ANHX: variants seen among roughly 807,000 people sequenced by gnomAD.
ANHX encodes the protein anomalous homeobox.
A neutral mutation model predicts 38.9 loss-of-function variants in ANHX; 20 were observed. That is an observed-to-expected ratio of 0.51 (90% confidence interval 0.36 to 0.75). The LOEUF (loss-of-function observed/expected upper bound fraction) is 0.75, where lower values mean the gene tolerates loss of function less well. ANHX is among the 30% of genes least tolerant of loss of function. The pLI is 0.00. For missense variants in ANHX, 475 were observed against 493.1 expected, an observed-to-expected ratio of 0.96 and a Z score of 0.35; for synonymous variants, 185 against 203.1, an observed-to-expected ratio of 0.91 and a Z score of 0.76.
At chr12:133,229,643 T>G (rs1957239940) in intron 3 of ANHX, among the ~76,000 whole-genome samples, 1 of 152,088 alleles carries the variant, frequency 6.6e-6, no homozygotes, top group South Asian at 2.1e-4. Flanking sequence ...GCCTGGAACC[T>G]CCTAGAAACT....
chr12:133,219,225 T>G, intron 9 of ANHX, 58 bp downstream of exon 9: 26 of 1,434,342 alleles, frequency 1.8e-5, no homozygotes, highest in Non-Finnish European at 2.3e-5. Context: ...CTCAGCACCA[T>G]GAGCTGCAGA....
At chr12:133,227,256 C>T (rs1397821995) in intron 4 of ANHX, 104 bp from the exon 5 acceptor site, 16 of 1,261,764 alleles carry the variant, frequency 1.3e-5, no homozygotes, top group Non-Finnish European at 1.7e-5. Context: ...AAGGGGGTGA[C>T]AGCCCAGCCT....
intron 7 of ANHX, among the ~76,000 whole-genome samples, chr12:133,224,957 C>T (rs1220089642): frequency 2.2e-4 from 29 of 131,368 alleles, no homozygotes; most frequent in African/African-American, 6.0e-4. Context: ...AGCAAGACTC[C>T]GTCTCAAAAA....
At position 133,218,791 on chromosome 12, in the gene ANHX, G is replaced by T; in HGVS notation, c.*94C>A. Reference sequence around the variant, plus strand: ...GGGGAACTCTGGGGACCTTCATTTTGTATTCAGGATAAAGCTCTGTAACTC... The same window carrying T: ...GGGGAACTCTGGGGACCTTCATTTTTTATTCAGGATAAAGCTCTGTAACTC... On this transcript the variant is annotated 3_prime_UTR_variant, in exon 10 of 10. Transcript: ENST00000545940. The T allele has an allele frequency of 2.2e-6, 2 of 916,048 alleles. No homozygotes were observed. The highest frequency in any genetic ancestry group is 3.0e-6 in the Non-Finnish European group (2 of 668,710). 56.7% of individuals were successfully genotyped at this position (916,048 alleles called of 1,614,324 possible).
chr12:133,223,445 C>CTTTT (rs899014720), intron 7 of ANHX, among the ~76,000 whole-genome samples: 1 of 130,216 alleles, frequency 7.7e-6, no homozygotes, highest in Non-Finnish European at 1.6e-5. Flanking sequence ...AGACTTTATT[C>CTTTT]TTTTTTTTTT....
chr12:133,234,531 G>T, intron 1 of ANHX, 153 bp from the exon 2 acceptor site: 1 of 825,960 alleles, frequency 1.2e-6, no homozygotes, highest in Non-Finnish European at 1.8e-6. Context: ...TCCCGAGAGA[G>T]GGCAGCACCA....
intron 7 of ANHX, among the ~76,000 whole-genome samples, chr12:133,222,759 C>A (rs138623673): frequency 0.016 from 2,440 of 152,234 alleles, 55 homozygotes; most frequent in African/African-American, 0.055. Flanking sequence ...GTCCTGACTT[C>A]AGACAGTGAA....
chr12:133,221,241 G>A lies in ANHX; in HGVS notation c.1244C>T (p.Pro415Leu). 3 of 1,536,056 alleles carry A rather than the reference G, an allele frequency of 2.0e-6. No homozygotes were observed. Among genetic ancestry groups the A allele is most frequent in the Non-Finnish European group, 2.6e-6 (3 of 1,146,896 alleles). ...LRVGSFLVTQ[P>L]PLQAPEFILT... ...GATGAATTCAGGAGCTTGCAGTGGG[G>A]GCTGTGTCACCAGGAAGCTGCCCAC... is the stretch of plus-strand genomic sequence containing the variant. Residue 415 changes from proline (P) to leucine (L), a missense_variant, in exon 8 of 10, where the codon CCC (proline) becomes CTC (leucine). Transcript: ENST00000545940. This position sits in a 1 kb window ranked among gnomAD's most constrained non-coding sequence, Gnocchi z 4.1.
At position 133,220,507 on chromosome 12, in the gene ANHX, C is replaced by G. The variant is rs1340993512; in HGVS notation, c.1280+698G>C. 5.3e-5 allele frequency among the ~76,000 whole-genome samples: 8 copies of G among 152,310 alleles called. No homozygotes were observed. The East Asian group carries it at 1.4e-3, about 26-fold the overall frequency. On this transcript the variant is annotated intron_variant, in intron 8 of 9. Coordinates refer to ENST00000545940, the MANE Select transcript of ANHX (RefSeq NM_001372060.1). The stretch of plus-strand genomic sequence containing the variant: ...TGATTTAGGGGCTGCTCCGCCTTTT[C>G]TCCTATGTCCCTCTGTAATTCTGCC...
At chr12:133,234,981 T>C (rs538057601) in intron 1 of ANHX, 2 of 153,052 alleles carry the variant, frequency 1.3e-5, no homozygotes, top group African/African-American at 4.8e-5. Flanking sequence ...GGCAGGGTAG[T>C]AGGTGTTGCC....
In ANHX at chr12:133,232,919, G is replaced by A. The variant is rs535210081; in HGVS notation, c.249+1189C>T. Among the ~76,000 whole-genome samples the A allele has an allele frequency of 2.6e-5, 4 of 152,248 alleles. No homozygotes were observed. In the South Asian group the frequency reaches 8.3e-4, roughly 32 times the overall value. On this transcript the variant is annotated intron_variant, in intron 2 of 9. Transcript: ENST00000545940. Reference sequence around the variant, plus strand: ...TTCAGTGTAGTAAGGGAGGCAGATTGACAAACAACCTTCTAGTTACAAACA... The same window carrying A: ...TTCAGTGTAGTAAGGGAGGCAGATTAACAAACAACCTTCTAGTTACAAACA...
At chr12:133,220,062 A>G (rs1003085572) in intron 8 of ANHX, among the ~76,000 whole-genome samples, 2 of 152,114 alleles carry the variant, frequency 1.3e-5, no homozygotes, top group Admixed American at 6.5e-5. Context: ...CCTTAGTGAC[A>G]GAAGCAGATC....
chr12:133,233,512 C>T (rs1027169832), intron 2 of ANHX, among the ~76,000 whole-genome samples: 1 of 152,146 alleles, frequency 6.6e-6, no homozygotes, highest in Non-Finnish European at 1.5e-5. Context: ...ACGCAGGCAT[C>T]CAGCACACGA....
chr12:133,228,061 G>A (rs927817726), intron 3 of ANHX, 114 bp from the exon 4 acceptor site: 12 of 1,264,994 alleles, frequency 9.5e-6, no homozygotes, highest in African/African-American at 1.5e-5. Flanking sequence ...CCTCCTCCTG[G>A]GGGATGCCTC....
intron 7 of ANHX, among the ~76,000 whole-genome samples, chr12:133,222,293 C>G (rs188293662): frequency 6.6e-6 from 1 of 152,274 alleles, no homozygotes; most frequent in African/African-American, 2.4e-5. Context: ...TGTCCACAGT[C>G]GTGCAGTCAG....
chr12:133,230,469 A>AG (rs1388086529), intron 3 of ANHX, among the ~76,000 whole-genome samples: 2 of 152,356 alleles, frequency 1.3e-5, no homozygotes, highest in African/African-American at 4.8e-5. Flanking sequence ...CCTGTGGCTC[A>AG]GGAATCTTTC....
chr12:133,231,031 A>T (rs1957266153), intron 3 of ANHX, among the ~76,000 whole-genome samples: 1 of 152,202 alleles, frequency 6.6e-6, no homozygotes, highest in Non-Finnish European at 1.5e-5. Context: ...CACTGGCAAC[A>T]TTCTCACCCT....
rs1313715973 is a variant in ANHX, at chr12:133,234,275, G to A, written c.82C>T (p.Leu28=). The A allele has an allele frequency of 6.5e-7, 1 of 1,536,204 alleles. No homozygotes were observed. The change falls in exon 2 of 10, where the codon CTG becomes TTG. Residue 28 remains leucine, a synonymous_variant. Coordinates refer to ENST00000545940, the MANE Select transcript of ANHX (RefSeq NM_001372060.1). ...AGGTCATCCTGGAAGTCCCGGCACA[G>A]TCTGCCCGCAAGGGTCACCAGCTCC... ...PAELVTLAGR[L]CRDFQDDLAQ...
intron 1 of ANHX, 179 bp from the exon 2 acceptor site, chr12:133,234,557 A>G (rs1018327824): frequency 3.0e-6 from 2 of 677,596 alleles, no homozygotes; most frequent in Admixed American, 6.1e-5. Context: ...TACACCCTCT[A>G]GAATTTCCTT....
Sources: gnomAD v4.1 joint callset for allele counts (sites outside exome capture counted in the v4.1 genomes callset) on GRCh38, gnomAD v4.1.1 for gene constraint, Gnocchi (gnomAD v3.1) non-coding constraint, MANE v1.5 for transcripts, NCBI Gene and HGNC (gene_info 2026-07-23, HGNC 2026-07-21) for gene names.